Variants in DNM1L observed in about 807,000 individuals in gnomAD.
DNM1L encodes dynamin-1-like protein.
Under a neutral mutation model 92.8 loss-of-function variants are expected in DNM1L, and 33 were observed. That is an observed-to-expected ratio of 0.36 (90% CI 0.27 to 0.48). The LOEUF (loss-of-function observed/expected upper bound fraction) is 0.48, where lower values mean the gene tolerates loss of function less well. DNM1L is among the 20% of genes least tolerant of loss of function. The pLI is 0.99. For missense variants in DNM1L, 485 were observed against 888.8 expected (o/e 0.55, Z 5.78); for synonymous variants, 284 against 305.0 (o/e 0.93, Z 0.72).
chr12:32,737,785 G>C (rs1954997163), intron 14 of DNM1L, 80 bp from the exon 15 acceptor site: 2 of 1,085,058 alleles, frequency 1.8e-6, no homozygotes, highest in East Asian at 4.7e-5. Context: ...TTACAGAAGG[G>C]AAAAATTCAT....
intron 14 of DNM1L, chr12:32,737,624 C>T: frequency 2.1e-6 from 1 of 482,816 alleles, no homozygotes; most frequent in Admixed American, 3.6e-5. Flanking sequence ...TATTAAATAC[C>T]AAAAATAAAA....
intron 8 of DNM1L, among the ~76,000 whole-genome samples, chr12:32,721,637 C>T (rs1953810638): frequency 6.6e-6 from 1 of 152,102 alleles, no homozygotes; most frequent in Non-Finnish European, 1.5e-5. Context: ...GCAAGGAATT[C>T]TCCAGGGGAT....
chr12:32,741,464 T>C (rs1169541058), intron 18 of DNM1L, among the ~76,000 whole-genome samples: 2 of 152,184 alleles, frequency 1.3e-5, no homozygotes, highest in Non-Finnish European at 2.9e-5. Context: ...TTTTGTATTT[T>C]TAGTAGAGAC....
chr12:32,739,369 A>G (rs1229931201), intron 16 of DNM1L, among the ~76,000 whole-genome samples: 1 of 152,190 alleles, frequency 6.6e-6, no homozygotes, highest in Non-Finnish European at 1.5e-5. Flanking sequence ...TTTTCTAGAA[A>G]ACAAGGTACA....
chr12:32,702,112 T>C (rs1952727946), intron 2 of DNM1L, among the ~76,000 whole-genome samples: 1 of 151,178 alleles, frequency 6.6e-6, no homozygotes, highest in South Asian at 2.1e-4. Flanking sequence ...CACTTGCCTG[T>C]AGTCCCAGCT....
At position 32,713,465 on chromosome 12, in the gene DNM1L, G is replaced by A. The variant is rs7971495; in HGVS notation, c.619+94G>A. On this transcript the variant is annotated intron_variant, in intron 6 of 19. Transcript: ENST00000549701. ...TTTTCTCTTTAAAAACAGTATCTCTGGTTTTGAATACAAATTTAAAAGATA... is the reference window on the plus strand; with the variant it reads ...TTTTCTCTTTAAAAACAGTATCTCTAGTTTTGAATACAAATTTAAAAGATA... The A allele has an allele frequency of 0.15, 189,768 of 1,302,418 alleles. 15,387 individuals carry two copies. The highest frequency in any genetic ancestry group is 0.32 in the African/African-American group (21,926 of 68,200). 80.7% of individuals were successfully genotyped at this position (1,302,418 alleles called of 1,614,324 possible).
At chr12:32,679,859 G>A in intron 1 of DNM1L, 1 of 994,978 alleles carries the variant, frequency 1.0e-6, no homozygotes, top group Non-Finnish European at 1.2e-6. Context: ...GTCTCGCTGG[G>A]CTCGGTGGGC....
chr12:32,692,214 A>G (rs1489359155), intron 1 of DNM1L, among the ~76,000 whole-genome samples: 1 of 152,166 alleles, frequency 6.6e-6, no homozygotes, highest in Non-Finnish European at 1.5e-5. Flanking sequence ...TTTAAGCAAA[A>G]TTAATTAAAA....
intron 1 of DNM1L, among the ~76,000 whole-genome samples, chr12:32,685,824 A>C (rs1951988817): frequency 6.6e-6 from 1 of 151,478 alleles, no homozygotes; most frequent in Non-Finnish European, 1.5e-5. Context: ...CTTATGGACA[A>C]CTTTTTTCAT....
At chr12:32,686,925 G>A (rs956111979) in intron 1 of DNM1L, among the ~76,000 whole-genome samples, 1 of 140,062 alleles carries the variant, frequency 7.1e-6, no homozygotes, top group African/African-American at 2.8e-5. Context: ...GGTTGTAAGA[G>A]TTCTTTTTTT....
chr12:32,708,131 T>G, intron 3 of DNM1L, 22 bp from the exon 4 acceptor site: 1 of 1,498,688 alleles, frequency 6.7e-7, no homozygotes, highest in Middle Eastern at 1.7e-4. Flanking sequence ...ATATTATGCT[T>G]TTTTATTTCA....
At chr12:32,717,125 T>TC (rs1953425296) in intron 6 of DNM1L, among the ~76,000 whole-genome samples, 1 of 128,776 alleles carries the variant, frequency 7.8e-6, no homozygotes, top group Non-Finnish European at 1.6e-5. Context: ...ATATTTTATA[T>TC]ATATACCTAT....
At chr12:32,712,702 C>T (rs2137370142) in intron 5 of DNM1L, among the ~76,000 whole-genome samples, 1 of 148,028 alleles carries the variant, frequency 6.8e-6, no homozygotes, top group African/African-American at 2.5e-5. Flanking sequence ...TCTAATCATT[C>T]CCTAGCCTGC....
intron 2 of DNM1L, among the ~76,000 whole-genome samples, chr12:32,703,299 G>GT (rs1435830699): frequency 1.3e-5 from 2 of 151,744 alleles, no homozygotes; most frequent in Non-Finnish European, 2.9e-5. Flanking sequence ...CCTACCTACT[G>GT]TTTTTTTCCA....
At chr12:32,702,193 C>A (rs573722060) in intron 2 of DNM1L, among the ~76,000 whole-genome samples, 19 of 141,380 alleles carry the variant, frequency 1.3e-4, no homozygotes, top group African/African-American at 4.8e-4. Flanking sequence ...GAGATCACGC[C>A]ACTGCACTCC....
chr12:32,691,538 C>T (rs186295989), intron 1 of DNM1L, among the ~76,000 whole-genome samples: 6 of 152,206 alleles, frequency 3.9e-5, no homozygotes, highest in East Asian at 1.9e-4. Context: ...CCACCGTGCC[C>T]GGCTGGACTT....
At chr12:32,702,779 G>GC (rs1386243529) in intron 2 of DNM1L, among the ~76,000 whole-genome samples, 1 of 152,048 alleles carries the variant, frequency 6.6e-6, no homozygotes, top group Non-Finnish European at 1.5e-5. Context: ...TGTAGATGTT[G>GC]CAAGTAATAT....
intron 16 of DNM1L, 66 bp downstream of exon 16, chr12:32,738,362 C>T: frequency 3.2e-6 from 5 of 1,556,120 alleles, no homozygotes; most frequent in Non-Finnish European, 4.4e-6. Context: ...CTGTCTATAC[C>T]ACCATTAAAG....
rs913888992 is a variant in DNM1L, at chr12:32,731,773, G to T, written c.1357-81G>T. 5 of 1,218,230 alleles carry T rather than the reference G, an allele frequency of 4.1e-6. No homozygotes were observed. Among genetic ancestry groups the T allele is most frequent in the Non-Finnish European group, 6.0e-6 (5 of 830,082 alleles). The allele number at this position is 1,218,230 out of a possible 1,614,324, so 75.5% of individuals were successfully genotyped here. ...AGTCTCAGCTACTTGGGAGGCTAAG[G>T]TGGGAGGATGGCTTAGTGAGACTAT... On this transcript the variant is annotated intron_variant, in intron 11 of 19. Coordinates refer to ENST00000549701, the MANE Select transcript of DNM1L (RefSeq NM_012062.5). The surrounding 1 kb of genome is among the most constrained non-coding windows in gnomAD (Gnocchi z 5.1).
Sources: gnomAD v4.1 joint callset for allele counts (sites outside exome capture counted in the v4.1 genomes callset) on GRCh38, gnomAD v4.1.1 for gene constraint, Gnocchi (gnomAD v3.1) non-coding constraint, MANE v1.5 for transcripts, NCBI Gene and HGNC (gene_info 2026-07-23, HGNC 2026-07-21) for gene names.